PARD3B: variants seen among roughly 807,000 people sequenced by gnomAD.
PARD3B encodes partitioning defective 3 homolog B.
PARD3B carries 103 observed loss-of-function variants against 130.2 expected under a neutral mutation model. The ratio of observed to expected loss-of-function variants is 0.79; its 90% CI spans 0.67 to 0.93. PARD3B has a LOEUF of 0.93. Ranked by LOEUF, PARD3B falls within the 40% of genes least tolerant of loss-of-function variation. The pLI, the probability that PARD3B is intolerant of heterozygous loss-of-function variation, is 0.00. For synonymous variants in PARD3B, 583 were observed against 553.2 expected, an observed-to-expected ratio of 1.05 and a Z score of -0.76; for missense variants, 1,609 against 1,499.2, an observed-to-expected ratio of 1.07 and a Z score of -1.21.
At chr2:204,941,430 A>G (rs539669985) in intron 2 of PARD3B, among the ~76,000 whole-genome samples, 14 of 152,358 alleles carry the variant, frequency 9.2e-5, no homozygotes, top group Non-Finnish European at 1.8e-4. Flanking sequence ...CCCTGATAAC[A>G]TAATTAACAA....
intron 19 of PARD3B, among the ~76,000 whole-genome samples, chr2:205,427,009 A>G (rs1166585102): frequency 6.6e-6 from 1 of 152,188 alleles, no homozygotes; most frequent in Non-Finnish European, 1.5e-5. Context: ...CCTTAAGCAT[A>G]TGAAAAGATA....
intron 1 of PARD3B, among the ~76,000 whole-genome samples, chr2:204,634,831 G>A (rs1451716047): frequency 3.3e-5 from 5 of 151,920 alleles, no homozygotes; most frequent in Admixed American, 3.3e-4. Flanking sequence ...TTATTTCATT[G>A]GGGGCTCACA....
intron 19 of PARD3B, among the ~76,000 whole-genome samples, chr2:205,429,231 A>T (rs2047246113): frequency 6.6e-6 from 1 of 152,176 alleles, no homozygotes; most frequent in African/African-American, 2.4e-5. Context: ...TTCCCCCAAA[A>T]ATGTTCCTAA....
intron 14 of PARD3B, among the ~76,000 whole-genome samples, chr2:205,186,064 G>A (rs561411945): frequency 6.6e-6 from 1 of 152,030 alleles, no homozygotes; most frequent in Non-Finnish European, 1.5e-5. Flanking sequence ...TTTGCTTCCT[G>A]GTATTTGTTA....
At position 205,292,620 on chromosome 2, in the gene PARD3B, T is replaced by A. The variant is rs1423700546; in HGVS notation, c.2186-7910T>A. Among the ~76,000 whole-genome samples the A allele has an allele frequency of 6.6e-6, 1 of 152,108 alleles. No homozygotes were observed. Among genetic ancestry groups the A allele is most frequent in the African/African-American group, 2.4e-5 (1 of 41,418 alleles). On this transcript the variant is annotated intron_variant, in intron 16 of 22. Coordinates refer to ENST00000406610, the MANE Select transcript of PARD3B (RefSeq NM_001302769.2). The surrounding 1 kb of genome is among the most constrained non-coding windows in gnomAD (Gnocchi z 5.3). ...TGTTCCCTCCCAGACACACAGTCCC[T>A]CAAGGGCACACTGTCATTGAGATGG...
chr2:205,315,563 T>A (rs1054268103), intron 18 of PARD3B, among the ~76,000 whole-genome samples: 14 of 152,140 alleles, frequency 9.2e-5, no homozygotes, highest in Admixed American at 9.2e-4. Flanking sequence ...CGCTGATGAT[T>A]GTAATGCAGC....
rs1559105479 is a variant in PARD3B, at chr2:205,449,420, A to ATG, written c.3044+8748_3044+8749insTG. 9.5e-3 allele frequency among the ~76,000 whole-genome samples: 1,443 copies of ATG among 151,774 alleles called. 18 individuals carry two copies. The highest frequency in any genetic ancestry group is 0.032 in the African/African-American group (1,330 of 41,420). ...AATTTTTTGTATTTTTAGTAGAGGCAGGGTTTCATCGTGTTGGCCAGGCTG... is the reference window on the plus strand; with the variant it reads ...AATTTTTTGTATTTTTAGTAGAGGCATGGGGTTTCATCGTGTTGGCCAGGCTG... On this transcript the variant is annotated intron_variant, in intron 20 of 22. Transcript: ENST00000406610.
At chr2:205,138,486 T>C (rs1169187041) in intron 10 of PARD3B, among the ~76,000 whole-genome samples, 3 of 152,220 alleles carry the variant, frequency 2.0e-5, no homozygotes, top group African/African-American at 4.8e-5. Flanking sequence ...AATAGAAGTT[T>C]AGTTGTATAG....
At position 205,067,719 on chromosome 2, in the gene PARD3B, A is replaced by C. The variant is rs118098818; in HGVS notation, c.504+20029A>C. ...AATCAGTTATTTCAGTGCCATTTAA[A>C]ATAATAAATTTTGTTTATGAAATGC... is the stretch of plus-strand genomic sequence containing the variant. On this transcript the variant is annotated intron_variant, in intron 4 of 22. Transcript: ENST00000406610. Among the ~76,000 whole-genome samples the C allele has an allele frequency of 9.4e-4, 143 of 152,288 alleles. 2 individuals carry two copies. In the East Asian group the frequency reaches 0.026, roughly 28 times the overall value.
chr2:205,128,978 C>T lies in PARD3B; in HGVS notation c.1434+3241C>T, dbSNP rs116176271. ...TATCCCAGAATGACATAGGCCAAGT[C>T]CACCAGGGAGCATATTAAGTTAACT... On this transcript the variant is annotated intron_variant, in intron 10 of 22. Transcript: ENST00000406610. This position sits in a 1 kb window ranked among gnomAD's most constrained non-coding sequence, Gnocchi z 4.5. 0.012 allele frequency among the ~76,000 whole-genome samples: 1,881 copies of T among 152,194 alleles called. 32 individuals carry two copies. The highest frequency in any genetic ancestry group is 0.043 in the African/African-American group (1,796 of 41,496).
intron 5 of PARD3B, among the ~76,000 whole-genome samples, chr2:205,107,098 C>T (rs548326179): frequency 6.6e-6 from 1 of 152,308 alleles, no homozygotes; most frequent in Non-Finnish European, 1.5e-5. Flanking sequence ...TGTAGTCTAT[C>T]TCAAAATGTC....
At chr2:205,543,175 A>G (rs1575312684) in intron 21 of PARD3B, among the ~76,000 whole-genome samples, 1 of 152,236 alleles carries the variant, frequency 6.6e-6, no homozygotes, top group East Asian at 1.9e-4. Context: ...GTTAGCACTC[A>G]GGAAGCTTAC....
intron 1 of PARD3B, among the ~76,000 whole-genome samples, chr2:204,668,576 C>T (rs948281034): frequency 2.0e-5 from 3 of 152,112 alleles, no homozygotes; most frequent in Non-Finnish European, 4.4e-5. Context: ...AATTTGTAAC[C>T]CTTTTCATTC....
intron 2 of PARD3B, among the ~76,000 whole-genome samples, chr2:204,727,938 T>C (rs2039311184): frequency 6.6e-6 from 1 of 152,086 alleles, no homozygotes; most frequent in South Asian, 2.1e-4. Flanking sequence ...GCTGGTGGGT[T>C]GTTGTGTCAA....
At chr2:204,644,090 C>T (rs552125605) in intron 1 of PARD3B, among the ~76,000 whole-genome samples, 2 of 152,284 alleles carry the variant, frequency 1.3e-5, no homozygotes, top group East Asian at 3.9e-4. Context: ...TTCTCCACTC[C>T]ATTGGTAACA....
At chr2:204,593,629 G>T (rs749358595) in intron 1 of PARD3B, among the ~76,000 whole-genome samples, 1 of 152,168 alleles carries the variant, frequency 6.6e-6, no homozygotes, top group African/African-American at 2.4e-5. Flanking sequence ...CTTTTATTTG[G>T]CTCTATTTAA....
chr2:204,562,012 T>G lies in PARD3B; in HGVS notation c.120+15893T>G, dbSNP rs779027189. Among the ~76,000 whole-genome samples, 33 of 152,160 alleles carry G rather than the reference T, an allele frequency of 2.2e-4. 1 individual carries two copies. Among genetic ancestry groups the G allele is most frequent in the Admixed American group, 1.3e-4 (2 of 15,270 alleles). On this transcript the variant is annotated intron_variant, in intron 1 of 22. Coordinates refer to ENST00000406610, the MANE Select transcript of PARD3B (RefSeq NM_001302769.2). ...GATGGTTTACTGCCAAAGTTTGGAC[T>G]AATAAAGACAGAAATATTTGCCTGC... is the stretch of plus-strand genomic sequence containing the variant.
intron 1 of PARD3B, among the ~76,000 whole-genome samples, chr2:204,590,703 A>G (rs1284510218): frequency 1.3e-5 from 2 of 152,236 alleles, no homozygotes; most frequent in African/African-American, 2.4e-5. Context: ...TTTAGTTAGC[A>G]GAACTTACTT....
At chr2:205,196,132 A>G (rs2036669391) in intron 15 of PARD3B, among the ~76,000 whole-genome samples, 1 of 152,196 alleles carries the variant, frequency 6.6e-6, no homozygotes, top group Non-Finnish European at 1.5e-5. Context: ...TTACCTATTC[A>G]TCAGACACAA....
Sources: allele counts gnomAD v4.1 joint callset (sites outside exome capture counted in the v4.1 genomes callset), GRCh38; gene constraint gnomAD v4.1.1; non-coding constraint Gnocchi (gnomAD v3.1); transcripts MANE v1.5; gene names NCBI Gene and HGNC (gene_info 2026-07-23, HGNC 2026-07-21).